CSGALNACT1: variants seen among roughly 807,000 people sequenced by gnomAD.
The protein encoded by CSGALNACT1 is chondroitin sulfate N-acetylgalactosaminyltransferase 1.
Under a neutral mutation model 51.0 loss-of-function variants are expected in CSGALNACT1, and 52 were observed. That is an observed-to-expected ratio of 1.02 (90% CI 0.82 to 1.29). The LOEUF is 1.29. Ranked by LOEUF, CSGALNACT1 falls within the 50% of genes most tolerant of loss-of-function variation. The pLI, the probability that CSGALNACT1 is intolerant of heterozygous loss-of-function variation, is 0.00. For missense variants in CSGALNACT1, 935 were observed against 679.2 expected, an observed-to-expected ratio of 1.38 and a Z score of -4.19; for synonymous variants, 341 against 254.4, an observed-to-expected ratio of 1.34 and a Z score of -3.24.
intron 3 of CSGALNACT1, among the ~76,000 whole-genome samples, chr8:19,571,630 G>A (rs2043062744): frequency 6.6e-6 from 1 of 152,178 alleles, no homozygotes; most frequent in African/African-American, 2.4e-5. Flanking sequence ...AACTCTGGAT[G>A]AAAGTTACCA....
rs372989095 is a variant in CSGALNACT1 at position 19,555,570 on chromosome 8, CA to C, written c.-297+35589del. 8.3e-3 allele frequency among the ~76,000 whole-genome samples: 1,266 copies of C among 152,092 alleles called. 20 individuals carry two copies. Among genetic ancestry groups the C allele is most frequent in the African/African-American group, 0.029 (1,207 of 41,476 alleles). ...ATATATTTAGAAAAAAATAAACAAA[CA>C]AAAAAACAAGAACTTGACACTGGCT... On this transcript the variant is annotated intron_variant, in intron 3 of 9. Coordinates refer to ENST00000454498, the Ensembl canonical transcript of CSGALNACT1.
chr8:19,658,633 C>G (rs2058497784), intron 1 of CSGALNACT1, among the ~76,000 whole-genome samples: 1 of 152,086 alleles, frequency 6.6e-6, no homozygotes. Context: ...ACTTGGGAGG[C>G]TGAGGCACGA....
chr8:19,648,038 G>T (rs912787287), intron 1 of CSGALNACT1, among the ~76,000 whole-genome samples: 2 of 152,164 alleles, frequency 1.3e-5, no homozygotes. Context: ...GTTGCTCAGG[G>T]TTTCTATTCA....
chr8:19,608,968 C>T (rs1325818639), intron 1 of CSGALNACT1, among the ~76,000 whole-genome samples: 1 of 152,086 alleles, frequency 6.6e-6, no homozygotes, highest in Non-Finnish European at 1.5e-5. Context: ...CATTATCTTG[C>T]AAATGTATTA....
chr8:19,508,128 C>T (rs933550026), intron 3 of CSGALNACT1, among the ~76,000 whole-genome samples: 14 of 152,262 alleles, frequency 9.2e-5, no homozygotes, highest in East Asian at 5.8e-4. Flanking sequence ...TCCTATTTAC[C>T]GATGAGAAGA....
chr8:19,426,784 T>C (rs1044089433), intron 6 of CSGALNACT1, among the ~76,000 whole-genome samples: 2 of 152,204 alleles, frequency 1.3e-5, no homozygotes, highest in Non-Finnish European at 2.9e-5. Flanking sequence ...ATTTCCCTAA[T>C]TGACTTGCAT....
At position 19,667,057 on chromosome 8, in the gene CSGALNACT1, A is replaced by G. The variant is rs1204910644; in HGVS notation, c.-544+15416T>C. On this transcript the variant is annotated intron_variant, in intron 1 of 9. Coordinates refer to the CSGALNACT1 transcript ENST00000332246. ...GAAGGAAGGAAGAAAGAAAGAAAGA[A>G]AGAAAGAAAGAAAGAAAGAAAGAAA... 1.1e-4 allele frequency among the ~76,000 whole-genome samples: 13 copies of G among 120,726 alleles called. 2 individuals carry two copies. Among genetic ancestry groups the G allele is most frequent in the African/African-American group, 2.1e-4 (7 of 33,112 alleles). 79.2% of individuals were successfully genotyped at this position (120,726 alleles called of 152,430 possible).
intron 2 of CSGALNACT1, among the ~76,000 whole-genome samples, chr8:19,594,693 G>C (rs182518246): frequency 2.0e-5 from 3 of 151,154 alleles, no homozygotes; most frequent in Non-Finnish European, 4.4e-5. Flanking sequence ...ACAGGTACAC[G>C]CCACCAGGCC....
chr8:19,467,374 G>GC (rs909753686), intron 4 of CSGALNACT1, among the ~76,000 whole-genome samples: 3 of 151,802 alleles, frequency 2.0e-5, no homozygotes, highest in African/African-American at 7.3e-5. Context: ...ACCTACCTCG[G>GC]CCCCCCAAAG....
intron 1 of CSGALNACT1, among the ~76,000 whole-genome samples, chr8:19,629,433 G>A (rs142986361): frequency 1.3e-5 from 2 of 152,334 alleles, no homozygotes; most frequent in South Asian, 4.1e-4. Context: ...TATGAAGCAG[G>A]TATAGCTGTT....
At chr8:19,574,612 G>A (rs940023219) in intron 3 of CSGALNACT1, among the ~76,000 whole-genome samples, 1 of 152,140 alleles carries the variant, frequency 6.6e-6, no homozygotes, top group Non-Finnish European at 1.5e-5. Flanking sequence ...CGTGCTGCCT[G>A]AGGTTCAGGA....
chr8:19,573,711 T>A (rs1000198821), intron 3 of CSGALNACT1, among the ~76,000 whole-genome samples: 1 of 152,108 alleles, frequency 6.6e-6, no homozygotes, highest in Non-Finnish European at 1.5e-5. Flanking sequence ...CCCATACCAA[T>A]CTCTCTTAAT....
chr8:19,510,654 T>C (rs2078296013), intron 3 of CSGALNACT1, among the ~76,000 whole-genome samples: 1 of 152,162 alleles, frequency 6.6e-6, no homozygotes, highest in South Asian at 2.1e-4. Flanking sequence ...TATAAAGTGT[T>C]AATGTCATGT....
At chr8:19,529,730 G>T (rs1345575928) in intron 3 of CSGALNACT1, among the ~76,000 whole-genome samples, 1 of 152,064 alleles carries the variant, frequency 6.6e-6, no homozygotes, top group African/African-American at 2.4e-5. Context: ...CTCCTCCATG[G>T]ATACTAAAAT....
intron 1 of CSGALNACT1, among the ~76,000 whole-genome samples, chr8:19,612,959 A>G (rs1379273327): frequency 2.9e-5 from 4 of 136,822 alleles, no homozygotes; most frequent in African/African-American, 1.2e-4. Context: ...AAAAAAAAAA[A>G]AAAAAAAAAA....
chr8:19,409,651 C>A (rs1353021941), intron 8 of CSGALNACT1, among the ~76,000 whole-genome samples: 1 of 152,034 alleles, frequency 6.6e-6, no homozygotes, highest in Non-Finnish European at 1.5e-5. Context: ...GAAAGGACAC[C>A]CCCACATCCT....
At chr8:19,635,946 T>A (rs564048785) in intron 1 of CSGALNACT1, among the ~76,000 whole-genome samples, 2 of 152,308 alleles carry the variant, frequency 1.3e-5, no homozygotes, top group South Asian at 4.1e-4. Flanking sequence ...GCCAGGCTGG[T>A]CTCGAACTCC....
intron 1 of CSGALNACT1, among the ~76,000 whole-genome samples, chr8:19,666,931 G>C (rs1324031921): frequency 7.8e-6 from 1 of 127,672 alleles, no homozygotes. Flanking sequence ...GGGAGAGACA[G>C]AGAGAGAGAG....
intron 1 of CSGALNACT1, among the ~76,000 whole-genome samples, chr8:19,634,054 G>T (rs1310660048): frequency 1.3e-5 from 2 of 152,166 alleles, no homozygotes; most frequent in African/African-American, 4.8e-5. Context: ...CCTGGGACTT[G>T]GGAGTTTGTT....
Sources: gnomAD v4.1 joint callset for allele counts (sites outside exome capture counted in the v4.1 genomes callset) on GRCh38, gnomAD v4.1.1 for gene constraint, MANE v1.5 for transcripts, NCBI Gene and HGNC (gene_info 2026-07-23, HGNC 2026-07-21) for gene names.